The following LRMDA variants were observed in gnomAD, a reference collection of about 807,000 sequenced individuals.
The protein encoded by LRMDA is leucine-rich melanocyte differentiation-associated protein.
A neutral mutation model predicts 29.8 loss-of-function variants in LRMDA; 18 were observed. That is an observed-to-expected ratio of 0.60 (90% CI 0.42 to 0.90). The LOEUF (loss-of-function observed/expected upper bound fraction) is 0.90. LRMDA is among the 40% of genes least tolerant of loss of function. The pLI is 0.00. For missense variants in LRMDA, 273 were observed against 273.9 expected (o/e 1.00, Z 0.02); for synonymous variants, 125 against 109.4 (o/e 1.14, Z -0.89).
intron 2 of LRMDA, among the ~76,000 whole-genome samples, chr10:75,499,587 T>G (rs1369651446): frequency 2.0e-5 from 3 of 152,180 alleles, no homozygotes; most frequent in Non-Finnish European, 4.4e-5. Context: ...AAGCAAATGC[T>G]CAATAACTGC....
intron 6 of LRMDA, among the ~76,000 whole-genome samples, chr10:76,516,363 C>G: frequency 6.7e-6 from 1 of 149,666 alleles, no homozygotes; most frequent in East Asian, 2.0e-4. Context: ...TATTATTATA[C>G]TTTAAGTTTT....
At chr10:75,880,352 A>C (rs935115586) in intron 2 of LRMDA, among the ~76,000 whole-genome samples, 19 of 152,230 alleles carry the variant, frequency 1.2e-4, no homozygotes, top group Admixed American at 3.3e-4. Context: ...AGGAGTACTA[A>C]AAGGTCATTC....
At chr10:75,665,513 C>T (rs2132138356) in intron 2 of LRMDA, among the ~76,000 whole-genome samples, 1 of 152,280 alleles carries the variant, frequency 6.6e-6, no homozygotes, top group African/African-American at 2.4e-5. Context: ...TACCCTAGAA[C>T]TTAAAGTATA....
intron 6 of LRMDA, among the ~76,000 whole-genome samples, chr10:76,350,952 C>G (rs1162745375): frequency 6.6e-6 from 1 of 152,122 alleles, no homozygotes; most frequent in Non-Finnish European, 1.5e-5. Flanking sequence ...ACAACACAAC[C>G]TAGCCCCTAA....
intron 2 of LRMDA, among the ~76,000 whole-genome samples, chr10:75,963,808 T>C (rs11001563): frequency 0.34 from 51,920 of 152,112 alleles, 10,179 homozygotes; most frequent in Non-Finnish European, 0.44. Flanking sequence ...ATTCTATGCA[T>C]ATCCACACAC....
At chr10:75,974,633 T>G (rs1394228445) in intron 2 of LRMDA, among the ~76,000 whole-genome samples, 1 of 152,172 alleles carries the variant, frequency 6.6e-6, no homozygotes, top group Non-Finnish European at 1.5e-5. Context: ...TAAGTATTGC[T>G]TTTTCCTCAT....
chr10:75,817,338 G>A (rs1844078759), intron 2 of LRMDA, among the ~76,000 whole-genome samples: 1 of 152,204 alleles, frequency 6.6e-6, no homozygotes, highest in South Asian at 2.1e-4. Context: ...ACTCACCGAT[G>A]CTGAAATTAT....
intron 2 of LRMDA, among the ~76,000 whole-genome samples, chr10:75,752,709 T>C (rs1426006177): frequency 2.0e-5 from 3 of 152,054 alleles, no homozygotes. Context: ...GCAGAACCTG[T>C]GTCTTAGGTA....
At chr10:76,381,698 C>T (rs1841594783) in intron 6 of LRMDA, among the ~76,000 whole-genome samples, 1 of 152,126 alleles carries the variant, frequency 6.6e-6, no homozygotes, top group African/African-American at 2.4e-5. Context: ...CTTCAAAGCC[C>T]CTTGAAAATG....
At chr10:75,704,511 C>T (rs1162906635) in intron 2 of LRMDA, among the ~76,000 whole-genome samples, 1 of 152,122 alleles carries the variant, frequency 6.6e-6, no homozygotes, top group Admixed American at 6.5e-5. Flanking sequence ...GACCATTATC[C>T]ACCTCCCCAC....
intron 2 of LRMDA, among the ~76,000 whole-genome samples, chr10:75,583,673 T>C (rs1451900356): frequency 6.6e-6 from 1 of 152,180 alleles, no homozygotes; most frequent in Non-Finnish European, 1.5e-5. Flanking sequence ...CCTTTCCTCC[T>C]GCCCACCATC....
At position 75,631,146 on chromosome 10, in the gene LRMDA, C is replaced by T. The variant is rs1841316417; in HGVS notation, c.131+192652C>T. 2.0e-5 allele frequency among the ~76,000 whole-genome samples: 3 copies of T among 152,224 alleles called. No homozygotes were observed. In the South Asian group the frequency reaches 6.2e-4, roughly 32 times the overall value. On this transcript the variant is annotated intron_variant, in intron 2 of 6. Transcript: ENST00000611255. The stretch of plus-strand genomic sequence containing the variant: ...AGGAAGGAAATTTCTAGCTGTGATC[C>T]CATGTTTCCACAGAATCTTCTCATT...
intron 6 of LRMDA, among the ~76,000 whole-genome samples, chr10:76,513,194 G>C (rs1338047744): frequency 6.6e-6 from 1 of 152,134 alleles, no homozygotes. Flanking sequence ...ACTGTAATTT[G>C]AGCCACAGAA....
At chr10:75,856,445 C>A (rs1040455290) in intron 2 of LRMDA, among the ~76,000 whole-genome samples, 50 of 152,264 alleles carry the variant, frequency 3.3e-4, no homozygotes, top group Admixed American at 1.6e-3. Flanking sequence ...AAAATACTGG[C>A]AAACTGAATC....
chr10:76,031,909 C>G (rs541321132), intron 2 of LRMDA, among the ~76,000 whole-genome samples: 1 of 152,266 alleles, frequency 6.6e-6, no homozygotes, highest in Non-Finnish European at 1.5e-5. Flanking sequence ...TCCCCATGTT[C>G]GCTGCCCATC....
At chr10:75,563,166 C>G (rs1229264692) in intron 2 of LRMDA, among the ~76,000 whole-genome samples, 1 of 152,080 alleles carries the variant, frequency 6.6e-6, no homozygotes, top group African/African-American at 2.4e-5. Context: ...TTCAGGTACA[C>G]CAATCAGACG....
At chr10:75,499,000 A>G (rs969924205) in intron 2 of LRMDA, among the ~76,000 whole-genome samples, 4 of 152,106 alleles carry the variant, frequency 2.6e-5, no homozygotes, top group African/African-American at 7.2e-5. Context: ...GTGCAGGACC[A>G]GGTGAGAAGG....
intron 6 of LRMDA, among the ~76,000 whole-genome samples, chr10:76,506,629 C>T (rs1218002130): frequency 6.6e-6 from 1 of 152,072 alleles, no homozygotes; most frequent in African/African-American, 2.4e-5. Flanking sequence ...CCTCTCTCCC[C>T]TCTACTTTTC....
intron 6 of LRMDA, among the ~76,000 whole-genome samples, chr10:76,521,253 C>T (rs1337710265): frequency 6.6e-6 from 1 of 152,012 alleles, no homozygotes; most frequent in Non-Finnish European, 1.5e-5. Context: ...CCTGCCTCAG[C>T]CTCCAGAGTA....
Sources: gnomAD v4.1 joint callset for allele counts (sites outside exome capture counted in the v4.1 genomes callset) on GRCh38, gnomAD v4.1.1 for gene constraint, MANE v1.5 for transcripts, NCBI Gene and HGNC (gene_info 2026-07-23, HGNC 2026-07-21) for gene names.